BMP6: variants seen among roughly 807,000 people sequenced by gnomAD.
BMP6 encodes VG-1-R.
A neutral mutation model predicts 54.1 loss-of-function variants in BMP6; 17 were observed. The observed-to-expected ratio is 0.31, with a 90% CI of 0.22 to 0.47. The LOEUF is 0.47. Among genes scored for constraint, BMP6 ranks in the 20% least tolerant of loss-of-function variants. BMP6 has a pLI of 1.00. For synonymous variants in BMP6, 328 were observed against 291.2 expected (o/e 1.13, Z -1.28); for missense variants, 720 against 690.4 (o/e 1.04, Z -0.48).
At chr6:7,793,035 T>A (rs1758133482) in intron 1 of BMP6, among the ~76,000 whole-genome samples, 1 of 150,914 alleles carries the variant, frequency 6.6e-6, no homozygotes, top group Non-Finnish European at 1.5e-5. Context: ...AATTGGTTTG[T>A]CTCACTTGTC....
At position 7,746,584 on chromosome 6, in the gene BMP6, C is replaced by T. The variant is rs949821433; in HGVS notation, c.664+18965C>T. The stretch of plus-strand genomic sequence containing the variant: ...AATTAGGTGACAAATTTGTGAATTG[C>T]ACCCAAGAGATGAAAACTTGTGGAA... On this transcript the variant is annotated intron_variant, in intron 1 of 6. Transcript: ENST00000283147. Among the ~76,000 whole-genome samples the T allele has an allele frequency of 7.9e-5, 12 of 152,238 alleles. No homozygotes were observed. In the East Asian group the frequency reaches 2.3e-3, roughly 29 times the overall value.
At chr6:7,804,405 C>CT (rs1299814413) in intron 1 of BMP6, among the ~76,000 whole-genome samples, 1 of 151,764 alleles carries the variant, frequency 6.6e-6, no homozygotes, top group Non-Finnish European at 1.5e-5. Flanking sequence ...CTTTCCTTTG[C>CT]TTTTTTCTTT....
intron 1 of BMP6, among the ~76,000 whole-genome samples, chr6:7,811,503 T>A (rs987596683): frequency 1.8e-4 from 28 of 152,170 alleles, no homozygotes; most frequent in Admixed American, 4.6e-4. Context: ...TTCGGGCAAA[T>A]GTATGTTCCC....
At chr6:7,832,877 T>G (rs1758813369) in intron 1 of BMP6, among the ~76,000 whole-genome samples, 1 of 150,712 alleles carries the variant, frequency 6.6e-6, no homozygotes, top group Non-Finnish European at 1.5e-5. Flanking sequence ...TCCTGGGCAG[T>G]GTGGTGGGAC....
Position 7,880,443 on chromosome 6 carries a change from A to T in BMP6, c.*100A>T. 6.8e-7 allele frequency: 1 copy of T among 1,471,214 alleles called. No homozygotes were observed. Among genetic ancestry groups the T allele is most frequent in the Non-Finnish European group, 9.3e-7 (1 of 1,071,360 alleles). The allele number at this position is 1,471,214 out of a possible 1,614,324, so 91.1% of individuals were successfully genotyped here. On this transcript the variant is annotated 3_prime_UTR_variant, in exon 7 of 7. Transcript: ENST00000283147. ...GCACAGTTGGAGGTGGGACGATGAG[A>T]CTTTGAAACTATCTCATGCCAGTGC...
intron 1 of BMP6, among the ~76,000 whole-genome samples, chr6:7,807,245 C>T (rs1305696710): frequency 2.6e-5 from 4 of 152,120 alleles, no homozygotes; most frequent in African/African-American, 9.7e-5. Flanking sequence ...GGTCCATGGA[C>T]CAGCAGCATC....
rs1375447994 is a variant in BMP6, at chr6:7,878,987, CT to C, written c.1205-86del. The C allele has an allele frequency of 1.5e-5, 20 of 1,329,342 alleles. No individual in the cohort carries two copies. In the African/African-American group the frequency reaches 2.5e-4, roughly 16 times the overall value. 82.3% of individuals were successfully genotyped at this position (1,329,342 alleles called of 1,614,324 possible). On this transcript the variant is annotated intron_variant, in intron 4 of 6. Transcript: ENST00000283147. Reference sequence around the variant, plus strand: ...GGCTATCCTGAGCCTAGCACAGAGCCTGGCATGTGGTAAACTCTCTATGAAG... The same window carrying C: ...GGCTATCCTGAGCCTAGCACAGAGCCGGCATGTGGTAAACTCTCTATGAAG...
At chr6:7,746,152 G>A (rs536663218) in intron 1 of BMP6, among the ~76,000 whole-genome samples, 10 of 152,114 alleles carry the variant, frequency 6.6e-5, no homozygotes, top group Non-Finnish European at 1.3e-4. Flanking sequence ...TGCTGCGGGA[G>A]CCCTGAGAGG....
intron 1 of BMP6, among the ~76,000 whole-genome samples, chr6:7,836,138 T>C (rs1318197085): frequency 6.6e-6 from 1 of 152,106 alleles, no homozygotes; most frequent in African/African-American, 2.4e-5. Flanking sequence ...GCGCCCGGCC[T>C]ATCTCCCCAG....
chr6:7,781,103 A>G (rs1581245004), intron 1 of BMP6, among the ~76,000 whole-genome samples: 1 of 152,164 alleles, frequency 6.6e-6, no homozygotes, highest in African/African-American at 2.4e-5. Flanking sequence ...CCCTAACACT[A>G]TCATTAAAGC....
chr6:7,777,693 A>AAT (rs55991422), intron 1 of BMP6, among the ~76,000 whole-genome samples: 1 of 151,302 alleles, frequency 6.6e-6, no homozygotes, highest in African/African-American at 2.4e-5. Context: ...AAAAAAAAAA[A>AAT]GGGAGAAAAA....
chr6:7,747,309 C>T (rs1006319652), intron 1 of BMP6, among the ~76,000 whole-genome samples: 1 of 152,170 alleles, frequency 6.6e-6, no homozygotes, highest in Admixed American at 6.5e-5. Flanking sequence ...GGGAGATTAT[C>T]CTGGATTATT....
intron 2 of BMP6, among the ~76,000 whole-genome samples, chr6:7,849,572 C>G (rs1273190930): frequency 1.3e-5 from 2 of 152,130 alleles, no homozygotes; most frequent in Non-Finnish European, 2.9e-5. Context: ...TTCTGTAGCA[C>G]CTTTATATGA....
At chr6:7,809,025 T>A (rs907750729) in intron 1 of BMP6, among the ~76,000 whole-genome samples, 9 of 150,542 alleles carry the variant, frequency 6.0e-5, no homozygotes, top group African/African-American at 2.0e-4. Context: ...CATGTGATCA[T>A]AAGGAAAATT....
At chr6:7,738,461 C>T (rs567936766) in intron 1 of BMP6, among the ~76,000 whole-genome samples, 46 of 152,272 alleles carry the variant, frequency 3.0e-4, no homozygotes, top group African/African-American at 1.0e-3. Context: ...TAAGAGGGAA[C>T]GTGGCTTCCT....
chr6:7,729,434 A>G (rs1263789880), intron 1 of BMP6, among the ~76,000 whole-genome samples: 3 of 150,848 alleles, frequency 2.0e-5, no homozygotes, highest in African/African-American at 7.3e-5. Flanking sequence ...GCTCCTGGCT[A>G]CTTCACAGAG....
At chr6:7,878,829 C>T (rs753558131) in intron 4 of BMP6, among the ~76,000 whole-genome samples, 9 of 152,222 alleles carry the variant, frequency 5.9e-5, no homozygotes, top group Non-Finnish European at 1.2e-4. Context: ...ACCTCTGTTG[C>T]TTAAGGGTGT....
intron 1 of BMP6, among the ~76,000 whole-genome samples, chr6:7,805,959 G>C (rs185309802): frequency 1.3e-5 from 2 of 152,298 alleles, no homozygotes; most frequent in African/African-American, 4.8e-5. Context: ...CCACATTCAG[G>C]CTCATTACTG....
chr6:7,826,432 G>A lies in BMP6; in HGVS notation c.665-18708G>A, dbSNP rs533339934. Among the ~76,000 whole-genome samples, 27 of 152,306 alleles carry A rather than the reference G, an allele frequency of 1.8e-4. 1 individual carries two copies. Among genetic ancestry groups the A allele is most frequent in the African/African-American group, 6.0e-4 (25 of 41,564 alleles). On this transcript the variant is annotated intron_variant, in intron 1 of 6. Transcript: ENST00000283147. ...GGAGGGGCCTGGGGAAGTGCCTTTT[G>A]TCAGCCCAGGTTTGAATGACCTGCA... is the stretch of plus-strand genomic sequence containing the variant.
Sources: allele counts gnomAD v4.1 joint callset (sites outside exome capture counted in the v4.1 genomes callset), GRCh38; gene constraint gnomAD v4.1.1; transcripts MANE v1.5; gene names NCBI Gene and HGNC (gene_info 2026-07-23, HGNC 2026-07-21).